Variants in CDK15 observed in about 807,000 individuals in gnomAD.
The protein encoded by CDK15 is cyclin dependent kinase 15, also known as cyclin-dependent kinase 15.
Under a neutral mutation model 60.3 loss-of-function variants are expected in CDK15, and 62 were observed. That is an observed-to-expected ratio of 1.03 (90% CI 0.84 to 1.27). The LOEUF (loss-of-function observed/expected upper bound fraction) is 1.27. CDK15 is among the 50% of genes most tolerant of loss of function. The pLI is 0.00. For synonymous variants in CDK15, 194 were observed against 195.7 expected (o/e 0.99, Z 0.07); for missense variants, 541 against 527.8 (o/e 1.03, Z -0.25).
intron 2 of CDK15, 70 bp downstream of exon 2, chr2:201,807,713 T>C: frequency 1.9e-6 from 3 of 1,593,162 alleles, no homozygotes; most frequent in Non-Finnish European, 2.6e-6. Flanking sequence ...GGCCCTTGCT[T>C]CCAGGGCAAT....
intron 6 of CDK15, among the ~76,000 whole-genome samples, chr2:201,825,250 G>A (rs1696420236): frequency 6.7e-6 from 1 of 150,124 alleles, no homozygotes; most frequent in South Asian, 2.1e-4. Context: ...GGAGGCAGAG[G>A]TGCAGCGAGC....
intron 12 of CDK15, among the ~76,000 whole-genome samples, chr2:201,885,046 G>A (rs1375011547): frequency 6.6e-6 from 1 of 152,168 alleles, no homozygotes; most frequent in African/African-American, 2.4e-5. Context: ...TGATTGGAGA[G>A]GAAGGGCATA....
chr2:201,843,999 A>G (rs1401752279), intron 8 of CDK15, among the ~76,000 whole-genome samples: 3 of 152,168 alleles, frequency 2.0e-5, no homozygotes, highest in Non-Finnish European at 4.4e-5. Flanking sequence ...CAGGCAATGG[A>G]AGGCTTTTTG....
intron 9 of CDK15, among the ~76,000 whole-genome samples, chr2:201,850,813 G>A (rs1157175794): frequency 6.6e-6 from 1 of 152,044 alleles, no homozygotes; most frequent in Non-Finnish European, 1.5e-5. Context: ...TCATCTTTTT[G>A]ATAATAGTTA....
chr2:201,842,920 C>CA (rs1697465315), intron 8 of CDK15, among the ~76,000 whole-genome samples: 2 of 152,144 alleles, frequency 1.3e-5, no homozygotes, highest in African/African-American at 4.8e-5. Flanking sequence ...CTCCACACAG[C>CA]AGAAATCCTC....
At chr2:201,813,146 G>A (rs543664725) in intron 4 of CDK15, among the ~76,000 whole-genome samples, 1 of 152,252 alleles carries the variant, frequency 6.6e-6, no homozygotes, top group South Asian at 2.1e-4. Context: ...TGCAGGAAGA[G>A]GATAATAGTG....
intron 6 of CDK15, among the ~76,000 whole-genome samples, chr2:201,825,716 G>C (rs1345068551): frequency 6.6e-6 from 1 of 152,186 alleles, no homozygotes; most frequent in Non-Finnish European, 1.5e-5. Flanking sequence ...GATTGAGTCA[G>C]AGTTGAAGTT....
intron 8 of CDK15, among the ~76,000 whole-genome samples, chr2:201,842,348 G>A (rs1697429042): frequency 6.6e-6 from 1 of 152,116 alleles, no homozygotes; most frequent in Admixed American, 6.6e-5. Context: ...AGTACACAAG[G>A]TCATCTATTC....
At chr2:201,848,341 G>C (rs1387963254) in intron 9 of CDK15, among the ~76,000 whole-genome samples, 1 of 151,986 alleles carries the variant, frequency 6.6e-6, no homozygotes, top group Non-Finnish European at 1.5e-5. Flanking sequence ...TCATACTATA[G>C]TCATCTGTAT....
intron 10 of CDK15, among the ~76,000 whole-genome samples, chr2:201,861,905 A>G (rs1427286295): frequency 3.9e-5 from 6 of 152,150 alleles, no homozygotes. Context: ...GTGACTTGCC[A>G]TGGTTCAGAC....
chr2:201,860,740 G>A (rs1459783788), intron 10 of CDK15: 7 of 1,352,128 alleles, frequency 5.2e-6, no homozygotes, highest in Non-Finnish European at 6.9e-6. Flanking sequence ...CTGACCACCA[G>A]GTGGAAGCAA....
intron 13 of CDK15, 58 bp downstream of exon 13, chr2:201,890,985 G>C: frequency 1.2e-6 from 1 of 860,664 alleles, no homozygotes; most frequent in Non-Finnish European, 1.9e-6. Context: ...AATTGGTGCC[G>C]GGTGGAGAGG....
chr2:201,891,059 C>A (rs1699625417), intron 13 of CDK15, 132 bp downstream of exon 13: 2 of 515,190 alleles, frequency 3.9e-6, no homozygotes, highest in Non-Finnish European at 3.4e-6. Context: ...AGCTCTAGGA[C>A]AGGTGGCCTT....
chr2:201,812,407 G>C (rs1271394451), intron 3 of CDK15, 76 bp from the exon 4 acceptor site: 24 of 885,254 alleles, frequency 2.7e-5, no homozygotes, highest in Non-Finnish European at 3.7e-5. Flanking sequence ...AAGTGCTTTT[G>C]TTAAGCCATC....
At chr2:201,874,199 C>A (rs1698986458) in intron 11 of CDK15, among the ~76,000 whole-genome samples, 1 of 151,940 alleles carries the variant, frequency 6.6e-6, no homozygotes, top group Admixed American at 6.6e-5. Flanking sequence ...AAATTCCATT[C>A]TGTTGCACTA....
intron 6 of CDK15, among the ~76,000 whole-genome samples, chr2:201,828,671 T>C (rs1265518128): frequency 6.6e-6 from 1 of 152,014 alleles, no homozygotes; most frequent in Non-Finnish European, 1.5e-5. Context: ...AGGGATGAGT[T>C]CTCCAAGGTG....
At chr2:201,880,379 T>C (rs1699234709) in intron 12 of CDK15, among the ~76,000 whole-genome samples, 1 of 152,214 alleles carries the variant, frequency 6.6e-6, no homozygotes, top group African/African-American at 2.4e-5. Context: ...TCTGAAGCAC[T>C]GGTGGGGAGA....
chr2:201,888,650 C>T (rs972931986), intron 12 of CDK15: 7 of 1,366,096 alleles, frequency 5.1e-6, no homozygotes, highest in South Asian at 1.8e-5. Flanking sequence ...GTCTGGCAGT[C>T]CACAGCCAAA....
At position 201,866,608 on chromosome 2, in the gene CDK15, A is replaced by G. The variant is rs566258096; in HGVS notation, c.1010-5670A>G. Among the ~76,000 whole-genome samples the G allele has an allele frequency of 1.6e-4, 24 of 152,332 alleles. No homozygotes were observed. The South Asian group carries it at 4.6e-3, about 29-fold the overall frequency. ...GATGAGAAGGAGAAAAATCAGGTCT[A>G]ATGATTTACTCTTGTCTTTGGAAGG... On this transcript the variant is annotated intron_variant, in intron 10 of 13. Coordinates refer to ENST00000652192, the MANE Select transcript of CDK15 (RefSeq NM_001366386.2).
Sources: allele counts gnomAD v4.1 joint callset (sites outside exome capture counted in the v4.1 genomes callset), GRCh38; gene constraint gnomAD v4.1.1; transcripts MANE v1.5; gene names NCBI Gene and HGNC (gene_info 2026-07-23, HGNC 2026-07-21).